Variants in PODXL2 observed in about 807,000 individuals in gnomAD.
The protein encoded by PODXL2 is podocalyxin-like protein 2.
PODXL2 carries 17 observed loss-of-function variants against 53.4 expected under a neutral mutation model. The ratio of observed to expected loss-of-function variants is 0.32; its 90% CI spans 0.22 to 0.48. The LOEUF is 0.48. Among genes scored for constraint, PODXL2 ranks in the 20% least tolerant of loss-of-function variants. The probability of loss-of-function intolerance (pLI) is 0.99; values close to 1 mark genes in which losing one functional copy is unlikely to be tolerated. For synonymous variants in PODXL2, 311 were observed against 306.7 expected, an observed-to-expected ratio of 1.01 and a Z score of -0.15; for missense variants, 673 against 760.0, an observed-to-expected ratio of 0.89 and a Z score of 1.35.
chr3:127,637,399 C>CA (rs1576426705), intron 1 of PODXL2, among the ~76,000 whole-genome samples: 1 of 152,198 alleles, frequency 6.6e-6, no homozygotes, highest in Non-Finnish European at 1.5e-5. Context: ...CCATGAACTT[C>CA]ACAGGTCTCT....
intron 2 of PODXL2, among the ~76,000 whole-genome samples, chr3:127,652,776 C>T (rs896408305): frequency 2.0e-5 from 3 of 152,142 alleles, no homozygotes; most frequent in African/African-American, 7.2e-5. Flanking sequence ...AAAAGGGCTT[C>T]GTGGAGGGAC....
intron 6 of PODXL2, 70 bp from the exon 7 acceptor site, chr3:127,671,364 T>G: frequency 7.0e-7 from 1 of 1,430,894 alleles, no homozygotes; most frequent in East Asian, 2.3e-5. Context: ...CCGAGCCCAA[T>G]GCAACCACCC....
rs1224906226 is a variant in PODXL2 at position 127,671,590 on chromosome 3, C to A, written c.1582C>A (p.Arg528=). The stretch of plus-strand genomic sequence containing the variant: ...CCTGCTCTACAACTGCTGGCAGCGC[C>A]GGCTGCCCAAGCTCAAGCACGTGGT... ...LGLLYNCWQR[R]LPKLKHVSHG... is the part of the protein sequence containing the mutation. Residue 528 remains arginine (R), a synonymous_variant, in exon 7 of 8, where the codon CGG becomes AGG. Coordinates refer to ENST00000342480, the MANE Select transcript of PODXL2 (RefSeq NM_015720.4). 1 of 1,613,706 alleles carries A rather than the reference C, an allele frequency of 6.2e-7. No homozygotes were observed. The highest frequency in any genetic ancestry group is 1.1e-5 in the South Asian group (1 of 91,086).
rs1181208061 is a variant in PODXL2 at position 127,667,110 on chromosome 3, ATCT to A, written c.1207-1327_1207-1325del. ...GCTCTATGGCCATCTCCAGGTACCC[ATCT>A]TCTCCCACATTTAAAACTCAGTTGG... On this transcript the variant is annotated intron_variant, in intron 4 of 7. Transcript: ENST00000342480. Among the ~76,000 whole-genome samples the A allele has an allele frequency of 2.0e-5, 3 of 152,384 alleles. No homozygotes were observed. In the East Asian group the frequency reaches 5.8e-4, roughly 29 times the overall value.
chr3:127,629,720 T>C lies in PODXL2; in HGVS notation c.70+431T>C, dbSNP rs1156448155. ...GCCACGCGGGGAGGAGGCCGCATTG[T>C]GAAGGTCCCAGGGGCCGCCTGCGGA... On this transcript the variant is annotated intron_variant, in intron 1 of 7. Transcript: ENST00000342480. This position sits in a 1 kb window ranked among gnomAD's most constrained non-coding sequence, Gnocchi z 6.4. Among the ~76,000 whole-genome samples, 1 of 151,534 alleles carries C rather than the reference T, an allele frequency of 6.6e-6. No homozygotes were observed. The highest frequency in any genetic ancestry group is 1.5e-5 in the Non-Finnish European group (1 of 67,850).
At chr3:127,669,322 C>T in intron 6 of PODXL2, 120 bp downstream of exon 6, 1 of 690,206 alleles carries the variant, frequency 1.4e-6, no homozygotes, top group Non-Finnish European at 2.5e-6. Flanking sequence ...ACAGAGCGTG[C>T]TCTGGGCAGG....
chr3:127,646,851 G>A (rs757950318), intron 2 of PODXL2, among the ~76,000 whole-genome samples: 3 of 152,238 alleles, frequency 2.0e-5, no homozygotes, highest in South Asian at 2.1e-4. Context: ...ATCTGGAGTC[G>A]GTATCCCTGA....
chr3:127,646,303 A>C (rs550725242), intron 2 of PODXL2, among the ~76,000 whole-genome samples: 1 of 152,294 alleles, frequency 6.6e-6, no homozygotes, highest in African/African-American at 2.4e-5. Flanking sequence ...CTGCCCTGTC[A>C]TGTCACCTCT....
chr3:127,660,983 G>A lies in PODXL2; in HGVS notation c.955G>A (p.Glu319Lys), dbSNP rs35388535. 393 of 1,614,096 alleles carry A rather than the reference G, an allele frequency of 2.4e-4. No homozygotes were observed. Among genetic ancestry groups the A allele is most frequent in the Non-Finnish European group, 2.9e-4 (347 of 1,180,054 alleles). The change falls in exon 3 of 8, where the codon GAG becomes AAG. Residue 319 changes from glutamate (E) to lysine (K), a missense_variant. Glu to Lys is a moderately conservative substitution (Grantham distance 56). Transcript: ENST00000342480. ...TCAAACCACAGCTCCCAGTGGGGCCGAGCACCCAGATGAAGATCCCCTTGG... is the reference window on the plus strand; with the variant it reads ...TCAAACCACAGCTCCCAGTGGGGCCAAGCACCCAGATGAAGATCCCCTTGG... ...FPQTTAPSGAEHPDEDPLGSR... is the reference protein window; with the variant it reads ...FPQTTAPSGAKHPDEDPLGSR...
chr3:127,651,208 A>G (rs1425781346), intron 2 of PODXL2, among the ~76,000 whole-genome samples: 2 of 152,154 alleles, frequency 1.3e-5, no homozygotes, highest in Non-Finnish European at 1.5e-5. Context: ...GGTTGCAGTG[A>G]GTTGAGATCG....
At chr3:127,634,247 G>A (rs1404000563) in intron 1 of PODXL2, among the ~76,000 whole-genome samples, 4 of 149,204 alleles carry the variant, frequency 2.7e-5, no homozygotes, top group Admixed American at 6.7e-5. Flanking sequence ...CCAACATGGC[G>A]ACACCCCGTC....
intron 1 of PODXL2, among the ~76,000 whole-genome samples, chr3:127,631,398 C>G (rs555469451): frequency 6.6e-6 from 1 of 152,102 alleles, no homozygotes; most frequent in East Asian, 1.9e-4. Flanking sequence ...ACATGAGGAT[C>G]GCTGGGGTCT....
At position 127,671,633 on chromosome 3, in the gene PODXL2, G is replaced by C. The variant is rs768058235; in HGVS notation, c.1605+20G>C. On this transcript the variant is annotated intron_variant, in intron 7 of 7. Coordinates refer to ENST00000342480, the MANE Select transcript of PODXL2 (RefSeq NM_015720.4). ...CACGTGGTGAGTGTGGGGACAGGTG[G>C]GGCTGGGGGCCAGTTGAGAGGAGAG... The C allele has an allele frequency of 1.2e-6, 2 of 1,608,382 alleles. No individual in the cohort carries two copies. The highest frequency in any genetic ancestry group is 2.2e-5 in the South Asian group (2 of 91,022).
rs914125222 is a variant in PODXL2 at position 127,672,651 on chromosome 3, C to G, written c.*171C>G. The G allele has an allele frequency of 2.2e-5, 11 of 496,992 alleles. No individual in the cohort carries two copies. The African/African-American group carries it at 2.2e-4, about 10-fold the overall frequency. 30.8% of individuals were successfully genotyped at this position (496,992 alleles called of 1,614,324 possible). A position where few individuals can be genotyped will look rare whatever the true frequency, so the allele number is the denominator to read the frequency against. ...CCGACTTCACACGGCGGCTTCGGAC[C>G]AACTCCCTCACTCCCGCCCGAGGGG... On this transcript the variant is annotated 3_prime_UTR_variant, in exon 8 of 8. Coordinates refer to ENST00000342480, the MANE Select transcript of PODXL2 (RefSeq NM_015720.4).
At position 127,661,095 on chromosome 3, in the gene PODXL2, A is replaced by T; in HGVS notation, c.1067A>T (p.Asn356Ile). Reference sequence around the variant, plus strand: ...GCTACCTTGGGACAAGAAGATCTCAACCAGCAGCTCCTAGAAGGGCAGGCA... The same window carrying T: ...GCTACCTTGGGACAAGAAGATCTCATCCAGCAGCTCCTAGAAGGGCAGGCA... ...SSATLGQEDLNQQLLEGQAAE... is the reference protein window; with the variant it reads ...SSATLGQEDLIQQLLEGQAAE... The change falls in exon 3 of 8, where the codon AAC becomes ATC. Residue 356 changes from asparagine (N) to isoleucine (I), a missense_variant. Transcript: ENST00000342480. The T allele has an allele frequency of 6.2e-7, 1 of 1,614,156 alleles. No individual in the cohort carries two copies. The highest frequency in any genetic ancestry group is 1.1e-5 in the South Asian group (1 of 91,084).
In PODXL2 at chr3:127,668,603, C is replaced by G. The variant is rs116213104; in HGVS notation, c.1363+6C>G. Reference sequence around the variant, plus strand: ...GACACTGGTGGGCGAGCAGGGTGAGCGAGGGCAGGTGATGGGAGGGCCCAG... The same window carrying G: ...GACACTGGTGGGCGAGCAGGGTGAGGGAGGGCAGGTGATGGGAGGGCCCAG... On this transcript the variant is annotated splice_donor_region_variant and intron_variant, in intron 5 of 7. Coordinates refer to ENST00000342480, the MANE Select transcript of PODXL2 (RefSeq NM_015720.4). 1 of 1,514,384 alleles carries G rather than the reference C, an allele frequency of 6.6e-7. No homozygotes were observed. The highest frequency in any genetic ancestry group is 8.9e-7 in the Non-Finnish European group (1 of 1,129,262). 93.8% of individuals were successfully genotyped at this position (1,514,384 alleles called of 1,614,324 possible). A position where few individuals can be genotyped will look rare whatever the true frequency, so the allele number is the denominator to read the frequency against.
Position 127,629,609 on chromosome 3 carries a change from T to C in PODXL2, c.70+320T>C, listed in dbSNP as rs904742771. Reference sequence around the variant, plus strand: ...CTCGCGGGCCGGGGGGGCGCGCACGTGTGGGTGTGCATGTGTGTGCGTGTG... The same window carrying C: ...CTCGCGGGCCGGGGGGGCGCGCACGCGTGGGTGTGCATGTGTGTGCGTGTG... On this transcript the variant is annotated intron_variant, in intron 1 of 7. Coordinates refer to ENST00000342480, the MANE Select transcript of PODXL2 (RefSeq NM_015720.4). This position sits in a 1 kb window ranked among gnomAD's most constrained non-coding sequence, Gnocchi z 6.4. Among the ~76,000 whole-genome samples, 37 of 151,182 alleles carry C rather than the reference T, an allele frequency of 2.4e-4. No individual in the cohort carries two copies. Among genetic ancestry groups the C allele is most frequent in the African/African-American group, 7.3e-4 (30 of 41,118 alleles).
At chr3:127,640,793 C>T (rs1044266093) in intron 2 of PODXL2, among the ~76,000 whole-genome samples, 8 of 152,226 alleles carry the variant, frequency 5.3e-5, no homozygotes, top group African/African-American at 1.9e-4. Context: ...ATACATTGTT[C>T]TAGTCACTTT....
At chr3:127,651,410 A>G (rs187600535) in intron 2 of PODXL2, among the ~76,000 whole-genome samples, 1 of 152,352 alleles carries the variant, frequency 6.6e-6, no homozygotes, top group African/African-American at 2.4e-5. Flanking sequence ...GACTATGTAC[A>G]TTGTTTCCTC....
Sources: allele counts gnomAD v4.1 joint callset (sites outside exome capture counted in the v4.1 genomes callset), GRCh38; gene constraint gnomAD v4.1.1; non-coding constraint Gnocchi (gnomAD v3.1); transcripts MANE v1.5; gene names NCBI Gene and HGNC (gene_info 2026-07-23, HGNC 2026-07-21).